The following MCU variants were observed in gnomAD, a reference collection of about 807,000 sequenced individuals.
MCU encodes calcium uniporter protein, mitochondrial.
Under a neutral mutation model 45.2 loss-of-function variants are expected in MCU, and 12 were observed. The observed-to-expected ratio is 0.27, with a 90% CI of 0.17 to 0.43. The LOEUF (loss-of-function observed/expected upper bound fraction) is 0.43. Ranked by LOEUF, MCU falls within the 20% of genes least tolerant of loss-of-function variation. The pLI is 1.00. For missense variants in MCU, 324 were observed against 436.7 expected (o/e 0.74, Z 2.30); for synonymous variants, 160 against 165.1 (o/e 0.97, Z 0.24).
At chr10:72,739,995 C>T (rs1189368110) in intron 1 of MCU, among the ~76,000 whole-genome samples, 1 of 151,262 alleles carries the variant, frequency 6.6e-6, no homozygotes, top group Admixed American at 6.6e-5. Flanking sequence ...GATTTTTATT[C>T]TCTTCTCTTA....
chr10:72,858,502 T>C (rs183239117), intron 2 of MCU, among the ~76,000 whole-genome samples: 1 of 152,230 alleles, frequency 6.6e-6, no homozygotes, highest in Non-Finnish European at 1.5e-5. Context: ...AGGGCTAGTT[T>C]CTCTTAAGCC....
In MCU at chr10:72,792,494, G is replaced by T. The variant is rs72642246; in HGVS notation, c.151-41865G>T. ...AATTTAGAACAAAGAAAGGTGGTCA[G>T]AGTTCAGCCTTCAGTTCTTCCATAT... On this transcript the variant is annotated intron_variant, in intron 1 of 7. Coordinates refer to ENST00000373053, the MANE Select transcript of MCU (RefSeq NM_138357.3). Among the ~76,000 whole-genome samples the T allele has an allele frequency of 5.1e-3, 775 of 152,276 alleles. 24 individuals carry two copies. In the South Asian group the frequency reaches 0.077, roughly 15 times the overall value.
At chr10:72,863,538 C>T (rs1391370792) in intron 4 of MCU, among the ~76,000 whole-genome samples, 1 of 152,146 alleles carries the variant, frequency 6.6e-6, no homozygotes, top group Non-Finnish European at 1.5e-5. Flanking sequence ...GCAAACGAAC[C>T]ACATAACCTA....
intron 6 of MCU, among the ~76,000 whole-genome samples, chr10:72,876,090 C>T (rs1034839293): frequency 6.6e-6 from 1 of 152,140 alleles, no homozygotes; most frequent in Non-Finnish European, 1.5e-5. Context: ...AAATAGTGAC[C>T]TAGCCTTTAA....
intron 4 of MCU, among the ~76,000 whole-genome samples, chr10:72,862,600 C>A (rs1202756028): frequency 6.6e-6 from 1 of 152,182 alleles, no homozygotes; most frequent in African/African-American, 2.4e-5. Flanking sequence ...AGATCTAATG[C>A]TGCTGCTGAT....
intron 6 of MCU, 122 bp from the exon 7 acceptor site, chr10:72,884,144 A>G: frequency 1.5e-6 from 1 of 656,606 alleles, no homozygotes; most frequent in South Asian, 1.8e-5. Flanking sequence ...GTGATTAAAT[A>G]CTTAACACAG....
At chr10:72,830,000 T>C (rs1844856180) in intron 1 of MCU, among the ~76,000 whole-genome samples, 1 of 152,186 alleles carries the variant, frequency 6.6e-6, no homozygotes, top group South Asian at 2.1e-4. Flanking sequence ...TTTGAGAAAG[T>C]GAGTTGTCCC....
intron 1 of MCU, among the ~76,000 whole-genome samples, chr10:72,813,396 TA>T (rs1488327913): frequency 6.7e-6 from 1 of 148,388 alleles, no homozygotes; most frequent in Non-Finnish European, 1.5e-5. Context: ...AAAAATCAGG[TA>T]AAACTTGGGA....
At chr10:72,784,737 G>A (rs1327330463) in intron 1 of MCU, among the ~76,000 whole-genome samples, 1 of 152,136 alleles carries the variant, frequency 6.6e-6, no homozygotes, top group African/African-American at 2.4e-5. Context: ...GTGTGAGTGA[G>A]GGCTGGCTGT....
chr10:72,721,714 G>T (rs1312670846), intron 1 of MCU, among the ~76,000 whole-genome samples: 1 of 151,922 alleles, frequency 6.6e-6, no homozygotes, highest in Admixed American at 6.6e-5. Flanking sequence ...TTATTTTATT[G>T]GTTGTTCTGA....
intron 1 of MCU, among the ~76,000 whole-genome samples, chr10:72,828,326 A>G (rs2132825332): frequency 6.6e-6 from 1 of 152,330 alleles, no homozygotes; most frequent in South Asian, 2.1e-4. Context: ...ACAGTGTTCC[A>G]TCTAAAGCTG....
At chr10:72,823,621 T>C (rs950805878) in intron 1 of MCU, among the ~76,000 whole-genome samples, 1 of 152,242 alleles carries the variant, frequency 6.6e-6, no homozygotes, top group African/African-American at 2.4e-5. Context: ...GTGTTCATTA[T>C]GTGAAGTTAC....
intron 1 of MCU, among the ~76,000 whole-genome samples, chr10:72,757,836 C>G (rs1235048392): frequency 6.6e-6 from 1 of 152,172 alleles, no homozygotes; most frequent in Non-Finnish European, 1.5e-5. Context: ...GACAGATTAA[C>G]AAGCGAAAAA....
intron 1 of MCU, among the ~76,000 whole-genome samples, chr10:72,763,677 C>T (rs1327982332): frequency 6.6e-6 from 1 of 152,100 alleles, no homozygotes; most frequent in Non-Finnish European, 1.5e-5. Flanking sequence ...GGATTTGAAA[C>T]TGGCGAGTGA....
intron 1 of MCU, among the ~76,000 whole-genome samples, chr10:72,764,708 T>TC (rs1843700725): frequency 6.6e-6 from 1 of 152,162 alleles, no homozygotes; most frequent in African/African-American, 2.4e-5. Flanking sequence ...TATTTCTAAT[T>TC]GAGATATGGG....
chr10:72,822,321 G>A (rs937337172), intron 1 of MCU, among the ~76,000 whole-genome samples: 3 of 152,086 alleles, frequency 2.0e-5, no homozygotes, highest in Non-Finnish European at 4.4e-5. Context: ...AGAAAAAGTA[G>A]TCATAGTTTA....
rs760254367 is a variant in MCU, at chr10:72,871,559, A to G, written c.840A>G (p.Ala280=). The change falls in exon 6 of 8, where the codon GCA becomes GCG. Residue 280 remains alanine (A), a synonymous_variant. Transcript: ENST00000373053. ...ITYGSAMAMY[A]YFVMTRQEYV... ...ATGGAAGTGCCATGGCAATGTATGC[A>G]TATTTTGTAATGACACGCCAGGTAA... The G allele has an allele frequency of 3.2e-5, 52 of 1,613,830 alleles. No homozygotes were observed. Among genetic ancestry groups the G allele is most frequent in the Non-Finnish European group, 4.2e-5 (50 of 1,179,758 alleles).
rs1196271001 is a variant in MCU at position 72,778,560 on chromosome 10, AGAG to A, written c.151-55796_151-55794del. Among the ~76,000 whole-genome samples the A allele has an allele frequency of 2.0e-5, 3 of 152,326 alleles. No homozygotes were observed. The East Asian group carries it at 5.8e-4, about 29-fold the overall frequency. On this transcript the variant is annotated intron_variant, in intron 1 of 7. Transcript: ENST00000373053. The stretch of plus-strand genomic sequence containing the variant: ...GGGGTGGGGTTTGGGAGGCATGGGT[AGAG>A]GACAAAAGAATATAAAGTGGTAGCA...
chr10:72,845,583 C>T (rs1052273942), intron 2 of MCU, among the ~76,000 whole-genome samples: 4 of 152,094 alleles, frequency 2.6e-5, no homozygotes, highest in African/African-American at 9.7e-5. Context: ...TGACAGTATT[C>T]AGCACAGTAA....
Sources: gnomAD v4.1 joint callset for allele counts (sites outside exome capture counted in the v4.1 genomes callset) on GRCh38, gnomAD v4.1.1 for gene constraint, MANE v1.5 for transcripts, NCBI Gene and HGNC (gene_info 2026-07-23, HGNC 2026-07-21) for gene names.